RNGTT: variants seen among roughly 807,000 people sequenced by gnomAD.
RNGTT encodes mRNA-capping enzyme.
A neutral mutation model predicts 79.3 loss-of-function variants in RNGTT; 33 were observed. That is an observed-to-expected ratio of 0.42 (90% confidence interval 0.32 to 0.56). RNGTT has a LOEUF of 0.56. Ranked by LOEUF, RNGTT falls within the 20% of genes least tolerant of loss-of-function variation. RNGTT has a pLI of 0.17. For synonymous variants in RNGTT, 222 were observed against 235.9 expected (o/e 0.94, Z 0.54); for missense variants, 497 against 739.1 (o/e 0.67, Z 3.80).
chr6:88,674,615 C>T (rs1774787668), intron 14 of RNGTT, among the ~76,000 whole-genome samples: 1 of 151,984 alleles, frequency 6.6e-6, no homozygotes, highest in African/African-American at 2.4e-5. Context: ...TTCTATTTAG[C>T]CTTAGTCTAC....
intron 14 of RNGTT, among the ~76,000 whole-genome samples, chr6:88,639,054 A>G (rs1167769069): frequency 6.6e-6 from 1 of 152,182 alleles, no homozygotes; most frequent in Non-Finnish European, 1.5e-5. Context: ...CATTTCAAAA[A>G]TGATGTCAAA....
chr6:88,633,601 C>T (rs1000571629), intron 14 of RNGTT, among the ~76,000 whole-genome samples: 1 of 152,128 alleles, frequency 6.6e-6, no homozygotes, highest in African/African-American at 2.4e-5. Flanking sequence ...AATAAATGGC[C>T]TGGCACAGTA....
At chr6:88,880,185 TG>T (rs1782651331) in intron 8 of RNGTT, among the ~76,000 whole-genome samples, 3 of 106,332 alleles carry the variant, frequency 2.8e-5, no homozygotes, top group African/African-American at 1.1e-4. Context: ...TCTGAATGAA[TG>T]AATGAATGAA....
chr6:88,780,472 A>C (rs1779025777), intron 12 of RNGTT, among the ~76,000 whole-genome samples: 1 of 152,214 alleles, frequency 6.6e-6, no homozygotes, highest in Non-Finnish European at 1.5e-5. Context: ...ATAAACAAGG[A>C]TATAAAAACA....
intron 1 of RNGTT, among the ~76,000 whole-genome samples, chr6:88,961,280 G>A (rs946874212): frequency 3.3e-5 from 5 of 152,034 alleles, no homozygotes; most frequent in Non-Finnish European, 1.5e-5. Flanking sequence ...GGGACCTTGT[G>A]ATCGTGTGAG....
chr6:88,801,649 C>T lies in RNGTT; in HGVS notation c.1270-17G>A. 1 of 1,514,542 alleles carries T rather than the reference C, an allele frequency of 6.6e-7. No individual in the cohort carries two copies. The highest frequency in any genetic ancestry group is 1.7e-4 in the Middle Eastern group (1 of 5,878). The allele number at this position is 1,514,542 out of a possible 1,614,324, so 93.8% of individuals were successfully genotyped here. On this transcript the variant is annotated splice_polypyrimidine_tract_variant and intron_variant, in intron 11 of 15. Transcript: ENST00000369485. Reference sequence around the variant, plus strand: ...TTCAAGTAGCTATAAAATAAATACACATGTATTCTTTAAAAATATAATAAT... The same window carrying T: ...TTCAAGTAGCTATAAAATAAATACATATGTATTCTTTAAAAATATAATAAT...
intron 12 of RNGTT, among the ~76,000 whole-genome samples, chr6:88,773,943 A>G (rs1778785399): frequency 6.6e-6 from 1 of 152,202 alleles, no homozygotes; most frequent in Non-Finnish European, 1.5e-5. Context: ...GCAACAAAAG[A>G]AAAACTACAT....
intron 2 of RNGTT, among the ~76,000 whole-genome samples, chr6:88,930,365 G>C (rs926709047): frequency 1.3e-5 from 2 of 151,676 alleles, no homozygotes; most frequent in Admixed American, 1.3e-4. Flanking sequence ...ATCTTATTAA[G>C]AAGATGGTAG....
At chr6:88,719,555 A>G (rs75028786) in intron 13 of RNGTT, among the ~76,000 whole-genome samples, 3,190 of 152,306 alleles carry the variant, frequency 0.021, 121 homozygotes, top group African/African-American at 0.071. Flanking sequence ...AAAAACAAAT[A>G]CTTTACATAT....
intron 8 of RNGTT, among the ~76,000 whole-genome samples, chr6:88,854,748 C>A (rs116323317): frequency 6.6e-6 from 1 of 152,088 alleles, no homozygotes; most frequent in Non-Finnish European, 1.5e-5. Context: ...TGGGGGAATT[C>A]ATACACTTAA....
chr6:88,626,345 A>G (rs1306656328), intron 14 of RNGTT, among the ~76,000 whole-genome samples: 1 of 152,010 alleles, frequency 6.6e-6, no homozygotes, highest in Non-Finnish European at 1.5e-5. Flanking sequence ...TCCGCTAAGA[A>G]TCTAGGCTCT....
chr6:88,727,940 C>A (rs1776974373), intron 13 of RNGTT, among the ~76,000 whole-genome samples: 1 of 152,142 alleles, frequency 6.6e-6, no homozygotes. Flanking sequence ...ACGTTCTCAT[C>A]AAAGGGTGGA....
intron 1 of RNGTT, among the ~76,000 whole-genome samples, chr6:88,942,941 C>G (rs2127959395): frequency 6.6e-6 from 1 of 152,224 alleles, no homozygotes; most frequent in Admixed American, 6.5e-5. Context: ...TTATATCCTC[C>G]TGGTTTTCCT....
intron 13 of RNGTT, among the ~76,000 whole-genome samples, chr6:88,755,692 G>A (rs922341034): frequency 2.6e-5 from 4 of 152,132 alleles, no homozygotes; most frequent in African/African-American, 9.7e-5. Context: ...GCTGGGCATA[G>A]TGGATCACAC....
rs547477958 is a variant in RNGTT, at chr6:88,848,385, T to C, written c.1104+1370A>G. On this transcript the variant is annotated intron_variant, in intron 10 of 15. Transcript: ENST00000369485. ...AATGAGAACAACTGTCCTAGCGAAA[T>C]TTTCATGTGCGCACAAGAAAAAAAC... Among the ~76,000 whole-genome samples, 69 of 152,056 alleles carry C rather than the reference T, an allele frequency of 4.5e-4. No individual in the cohort carries two copies. In the South Asian group the frequency reaches 0.014, roughly 31 times the overall value.
rs139864523 is a variant in RNGTT, at chr6:88,775,402, C to G, written c.1339-5528G>C. Among the ~76,000 whole-genome samples the G allele has an allele frequency of 1.8e-3, 270 of 152,292 alleles. 2 individuals are homozygous for G. Among genetic ancestry groups the G allele is most frequent in the African/African-American group, 6.3e-3 (262 of 41,566 alleles). On this transcript the variant is annotated intron_variant, in intron 12 of 15. Transcript: ENST00000369485. ...CCTACATCTCCCCAACTCCCCCATC[C>G]TCAGCACTGATAACCTTCTTCCTAG... is the stretch of plus-strand genomic sequence containing the variant.
At chr6:88,936,945 C>G (rs549289035) in intron 2 of RNGTT, among the ~76,000 whole-genome samples, 1 of 152,256 alleles carries the variant, frequency 6.6e-6, no homozygotes, top group East Asian at 1.9e-4. Flanking sequence ...TATTGGTCTG[C>G]TCAGCTTTTC....
intron 13 of RNGTT, among the ~76,000 whole-genome samples, chr6:88,697,442 T>C (rs1775718256): frequency 6.6e-6 from 1 of 151,838 alleles, no homozygotes; most frequent in Non-Finnish European, 1.5e-5. Context: ...TCCCAGCTGC[T>C]CAGGAGGCTG....
intron 1 of RNGTT, among the ~76,000 whole-genome samples, chr6:88,962,578 G>T (rs1368025426): frequency 6.6e-6 from 1 of 152,076 alleles, no homozygotes. Context: ...TTGGAGACCA[G>T]CCTGGTCAAC....
Sources: gnomAD v4.1 joint callset for allele counts (sites outside exome capture counted in the v4.1 genomes callset) on GRCh38, gnomAD v4.1.1 for gene constraint, MANE v1.5 for transcripts, NCBI Gene and HGNC (gene_info 2026-07-23, HGNC 2026-07-21) for gene names.